MYLK: variants seen among roughly 807,000 people sequenced by gnomAD.
The protein encoded by MYLK is myosin light chain kinase, smooth muscle.
Under a neutral mutation model 203.4 loss-of-function variants are expected in MYLK, and 106 were observed. The ratio of observed to expected loss-of-function variants is 0.52; its 90% CI spans 0.45 to 0.61. The LOEUF is 0.61. Among genes scored for constraint, MYLK ranks in the 20% least tolerant of loss-of-function variants. The probability of loss-of-function intolerance (pLI) is 0.00; values close to 1 mark genes in which losing one functional copy is unlikely to be tolerated. For missense variants in MYLK, 2,072 were observed against 2,442.3 expected (o/e 0.85, Z 3.20); for synonymous variants, 867 against 959.5 (o/e 0.90, Z 1.78).
At chr3:123,753,904 A>C (rs747092642) in intron 4 of MYLK, among the ~76,000 whole-genome samples, 2 of 152,232 alleles carry the variant, frequency 1.3e-5, no homozygotes, top group Non-Finnish European at 2.9e-5. Flanking sequence ...CGGATGAAGC[A>C]AAATCAAAAT....
intron 33 of MYLK, among the ~76,000 whole-genome samples, chr3:123,614,985 G>C (rs914265382): frequency 6.8e-6 from 1 of 146,660 alleles, no homozygotes; most frequent in Non-Finnish European, 1.5e-5. Flanking sequence ...TTTTTAAAAA[G>C]TTTTTTTTTT....
chr3:123,728,665 T>A (rs760624401), intron 11 of MYLK, among the ~76,000 whole-genome samples: 1 of 152,196 alleles, frequency 6.6e-6, no homozygotes, highest in Non-Finnish European at 1.5e-5. Context: ...TTTTCACTCT[T>A]GTGCCCCTTG....
chr3:123,765,671 A>T (rs1426607384), intron 4 of MYLK, among the ~76,000 whole-genome samples: 1 of 152,222 alleles, frequency 6.6e-6, no homozygotes, highest in Admixed American at 6.5e-5. Context: ...GCAAAATATG[A>T]TATATGTGTA....
At chr3:123,812,416 T>G (rs2065592424) in intron 3 of MYLK, among the ~76,000 whole-genome samples, 1 of 152,198 alleles carries the variant, frequency 6.6e-6, no homozygotes, top group Non-Finnish European at 1.5e-5. Context: ...TGGTTTGACA[T>G]TAGCCCATGC....
chr3:123,855,985 G>A (rs1228979426), intron 2 of MYLK, among the ~76,000 whole-genome samples: 1 of 152,176 alleles, frequency 6.6e-6, no homozygotes, highest in Admixed American at 6.5e-5. Flanking sequence ...TAGAAAGAGT[G>A]AGATGAAAGA....
At position 123,752,675 on chromosome 3, in the gene MYLK, T is replaced by G. The variant is rs1009547010; in HGVS notation, c.166-137A>C. ...CCCCATTTCATCCTCATTTTACAGA[T>G]AAGGAAATCAAGGTACAGAGAGTTT... On this transcript the variant is annotated intron_variant, in intron 4 of 33. Transcript: ENST00000360304. The G allele has an allele frequency of 7.2e-6, 7 of 967,678 alleles. No homozygotes were observed. The East Asian group carries it at 1.8e-4, about 25-fold the overall frequency. 59.9% of individuals were successfully genotyped at this position (967,678 alleles called of 1,614,324 possible).
chr3:123,786,340 C>CAT (rs1215286285), intron 4 of MYLK, among the ~76,000 whole-genome samples: 8 of 150,920 alleles, frequency 5.3e-5, no homozygotes, highest in African/African-American at 1.5e-4. Context: ...AAATGAGTCT[C>CAT]ATATATATAT....
intron 9 of MYLK, chr3:123,734,828 T>A (rs576180262): frequency 7.3e-4 from 125 of 171,430 alleles, no homozygotes; most frequent in African/African-American, 2.8e-3. Context: ...GAGCTTTTCT[T>A]CACCAGCTAA....
intron 31 of MYLK, chr3:123,625,370 T>C (rs1210809216): frequency 6.6e-6 from 1 of 152,070 alleles, no homozygotes; most frequent in Admixed American, 6.6e-5. Context: ...AAGGAAACCA[T>C]GTCCTCTCAA....
chr3:123,800,834 G>A (rs1004917757), intron 3 of MYLK, among the ~76,000 whole-genome samples: 4 of 152,188 alleles, frequency 2.6e-5, no homozygotes, highest in African/African-American at 9.6e-5. Flanking sequence ...TTTCCCAGTA[G>A]TTCTCAAACA....
chr3:123,638,920 G>C (rs941517205), intron 28 of MYLK: 3 of 985,300 alleles, frequency 3.0e-6, no homozygotes, highest in South Asian at 4.7e-5. Context: ...GCTTAACTTC[G>C]CAGAGCTCAC....
chr3:123,648,526 G>A lies in MYLK; in HGVS notation c.4415+445C>T, dbSNP rs906011959. Among the ~76,000 whole-genome samples, 5 of 151,978 alleles carry A rather than the reference G, an allele frequency of 3.3e-5. No individual in the cohort carries two copies. The highest frequency in any genetic ancestry group is 1.2e-4 in the African/African-American group (5 of 41,368). ...CAGGGTACATGTGCAGGATGTGTAC[G>A]TTACGTAGGTAAACGTGTGCCATGG... On this transcript the variant is annotated intron_variant, in intron 26 of 33. Coordinates refer to ENST00000360304, the MANE Select transcript of MYLK (RefSeq NM_053025.4). This position sits in a 1 kb window ranked among gnomAD's most constrained non-coding sequence, Gnocchi z 4.5.
chr3:123,787,181 T>C (rs1262457333), intron 4 of MYLK, among the ~76,000 whole-genome samples: 2 of 152,196 alleles, frequency 1.3e-5, no homozygotes, highest in Non-Finnish European at 2.9e-5. Flanking sequence ...TGTACTCTAA[T>C]GAAATGCTTT....
At chr3:123,682,146 G>GT (rs2060287263) in intron 20 of MYLK, 78 bp downstream of exon 20, 1 of 1,099,454 alleles carries the variant, frequency 9.1e-7, no homozygotes, top group African/African-American at 1.6e-5. Context: ...GAAAGTGGGG[G>GT]CTCTGAGGCT....
intron 3 of MYLK, among the ~76,000 whole-genome samples, chr3:123,809,580 G>A (rs774302727): frequency 3.9e-5 from 6 of 152,120 alleles, no homozygotes; most frequent in Non-Finnish European, 7.3e-5. Flanking sequence ...AATCTTAGGT[G>A]CACATCCTGG....
At chr3:123,802,285 C>T (rs2065223701) in intron 3 of MYLK, among the ~76,000 whole-genome samples, 1 of 152,186 alleles carries the variant, frequency 6.6e-6, no homozygotes, top group African/African-American at 2.4e-5. Flanking sequence ...GATCCAGGTC[C>T]CTGGGTTCCC....
chr3:123,808,905 C>T (rs370806386), intron 3 of MYLK, among the ~76,000 whole-genome samples: 9 of 152,198 alleles, frequency 5.9e-5, no homozygotes, highest in East Asian at 3.9e-4. Flanking sequence ...TAATAAGTAA[C>T]GGCTACTTAT....
intron 19 of MYLK, among the ~76,000 whole-genome samples, chr3:123,685,269 A>G (rs1158869312): frequency 6.6e-6 from 1 of 152,226 alleles, no homozygotes; most frequent in Non-Finnish European, 1.5e-5. Context: ...AGGAGAGAAC[A>G]CATGCAACGG....
intron 5 of MYLK, among the ~76,000 whole-genome samples, chr3:123,751,280 T>C (rs2063183897): frequency 2.0e-5 from 3 of 152,204 alleles, no homozygotes; most frequent in Admixed American, 2.0e-4. Context: ...CTCTTTCCAG[T>C]GGAGTGGCTT....
Sources: gnomAD v4.1 joint callset for allele counts (sites outside exome capture counted in the v4.1 genomes callset) on GRCh38, gnomAD v4.1.1 for gene constraint, Gnocchi (gnomAD v3.1) non-coding constraint, MANE v1.5 for transcripts, NCBI Gene and HGNC (gene_info 2026-07-23, HGNC 2026-07-21) for gene names.